The following TYR variants were observed in gnomAD, a reference collection of about 807,000 sequenced individuals.
The protein encoded by TYR is tyrosinase.
TYR carries 58 observed loss-of-function variants against 51.5 expected under a neutral mutation model. The observed-to-expected ratio is 1.13, with a 90% CI of 0.91 to 1.40. TYR has a LOEUF of 1.40. Among genes scored for constraint, TYR ranks in the 40% most tolerant of loss-of-function variants. The pLI, the probability that TYR is intolerant of heterozygous loss-of-function variation, is 0.00. For missense variants in TYR, 732 were observed against 647.4 expected, an observed-to-expected ratio of 1.13 and a Z score of -1.42; for synonymous variants, 263 against 235.2, an observed-to-expected ratio of 1.12 and a Z score of -1.08.
At chr11:89,248,788 GT>G (rs1944297842) in intron 3 of TYR, among the ~76,000 whole-genome samples, 1 of 152,132 alleles carries the variant, frequency 6.6e-6, no homozygotes, top group African/African-American at 2.4e-5. Context: ...TATTGCATTG[GT>G]CTAAATGAGA....
intron 3 of TYR, among the ~76,000 whole-genome samples, chr11:89,277,573 G>C (rs545688886): frequency 6.6e-6 from 1 of 151,626 alleles, no homozygotes; most frequent in Non-Finnish European, 1.5e-5. Context: ...CGAATGACCT[G>C]ACATCCCCAC....
intron 3 of TYR, among the ~76,000 whole-genome samples, chr11:89,265,426 C>T (rs1247642300): frequency 5.3e-5 from 8 of 152,050 alleles, no homozygotes; most frequent in Admixed American, 1.3e-4. Flanking sequence ...GTCTTCATAG[C>T]TCCTATTACC....
chr11:89,268,489 G>T (rs909415642), intron 3 of TYR, among the ~76,000 whole-genome samples: 1 of 151,852 alleles, frequency 6.6e-6, no homozygotes, highest in African/African-American at 2.4e-5. Context: ...AAGAAAGAGA[G>T]GCAGCATAGC....
intron 2 of TYR, among the ~76,000 whole-genome samples, chr11:89,218,760 G>T (rs1330000531): frequency 6.6e-6 from 1 of 152,100 alleles, no homozygotes. Flanking sequence ...TTATAAATGA[G>T]GAAACTGAGA....
At chr11:89,242,614 T>C (rs1464189946) in intron 3 of TYR, among the ~76,000 whole-genome samples, 1 of 152,206 alleles carries the variant, frequency 6.6e-6, no homozygotes, top group East Asian at 1.9e-4. Flanking sequence ...TTCTGACAAC[T>C]AGCATTTCAG....
intron 3 of TYR, among the ~76,000 whole-genome samples, chr11:89,228,754 T>A (rs774643447): frequency 2.6e-5 from 4 of 152,178 alleles, no homozygotes; most frequent in Non-Finnish European, 5.9e-5. Flanking sequence ...ATTTCCCTTA[T>A]TAGCCTTCTT....
chr11:89,287,365 A>G (rs1367333025), intron 4 of TYR, among the ~76,000 whole-genome samples: 1 of 151,944 alleles, frequency 6.6e-6, no homozygotes, highest in Non-Finnish European at 1.5e-5. Flanking sequence ...CACTATAAGT[A>G]TTCTATCACA....
intron 2 of TYR, among the ~76,000 whole-genome samples, chr11:89,192,366 A>C (rs1943457990): frequency 6.6e-6 from 1 of 152,180 alleles, no homozygotes; most frequent in South Asian, 2.1e-4. Context: ...TGGGGAAGAC[A>C]TAGGCACTGA....
At chr11:89,244,769 T>G (rs1944242386) in intron 3 of TYR, among the ~76,000 whole-genome samples, 2 of 152,248 alleles carry the variant, frequency 1.3e-5, no homozygotes, top group South Asian at 4.1e-4. Context: ...TTCCTTCATC[T>G]GTTAATTCAA....
intron 3 of TYR, among the ~76,000 whole-genome samples, chr11:89,276,544 G>T (rs2135318535): frequency 6.6e-6 from 1 of 151,532 alleles, no homozygotes; most frequent in African/African-American, 2.4e-5. Context: ...CTCCTTCGTT[G>T]TATTTCTTAT....
intron 1 of TYR, among the ~76,000 whole-genome samples, chr11:89,179,229 A>AC (rs1943269571): frequency 6.6e-6 from 1 of 152,246 alleles, no homozygotes; most frequent in Non-Finnish European, 1.5e-5. Flanking sequence ...TCCTGGCCTT[A>AC]TCCCAGACTA....
chr11:89,226,947 A>G (rs1284414207), intron 2 of TYR, among the ~76,000 whole-genome samples: 2 of 152,078 alleles, frequency 1.3e-5, no homozygotes, highest in Non-Finnish European at 2.9e-5. Context: ...CTAAAAAGTT[A>G]TCTTCCTCTT....
chr11:89,209,774 C>A (rs182714545), intron 2 of TYR, among the ~76,000 whole-genome samples: 1 of 152,212 alleles, frequency 6.6e-6, no homozygotes, highest in Non-Finnish European at 1.5e-5. Flanking sequence ...AAGGATCGGG[C>A]AGCAATATTT....
chr11:89,284,828 G>A lies in TYR; in HGVS notation c.1240G>A (p.Ala414Thr). The change falls in exon 4 of 5, where the codon GCC becomes ACC. Residue 414 changes from alanine (A) to threonine (T), a missense_variant. Physicochemically the swap from Ala to Thr is moderately conservative, Grantham distance 58. Coordinates refer to ENST00000263321, the MANE Select transcript of TYR (RefSeq NM_000372.5). Reference protein sequence around the residue: ...HRPLQEVYPEANAPIGHNRES... With the variant: ...HRPLQEVYPETNAPIGHNRES... ...TCCTCTTCAAGAAGTTTATCCAGAA[G>A]CCAATGCACCCATTGGACATAACCG... is the stretch of plus-strand genomic sequence containing the variant. 1 of 1,611,968 alleles carries A rather than the reference G, an allele frequency of 6.2e-7. No individual in the cohort carries two copies. Among genetic ancestry groups the A allele is most frequent in the Non-Finnish European group, 8.5e-7 (1 of 1,178,560 alleles).
intron 3 of TYR, among the ~76,000 whole-genome samples, chr11:89,267,404 A>G (rs1160577833): frequency 2.0e-5 from 3 of 152,010 alleles, no homozygotes; most frequent in Non-Finnish European, 4.4e-5. Flanking sequence ...AGATAAATAG[A>G]TATAAATGGT....
At chr11:89,256,540 A>G (rs1227194748) in intron 3 of TYR, among the ~76,000 whole-genome samples, 1 of 151,756 alleles carries the variant, frequency 6.6e-6, no homozygotes, top group Admixed American at 6.6e-5. Context: ...AAAAAACAGA[A>G]ACAATGCTAG....
intron 2 of TYR, among the ~76,000 whole-genome samples, chr11:89,222,297 T>C (rs1305417432): frequency 6.6e-6 from 1 of 152,176 alleles, no homozygotes; most frequent in Non-Finnish European, 1.5e-5. Context: ...GTTTTCAAAC[T>C]CCAAGTGCCT....
chr11:89,281,165 T>A (rs1944717507), intron 3 of TYR, among the ~76,000 whole-genome samples: 1 of 151,674 alleles, frequency 6.6e-6, no homozygotes. Flanking sequence ...TTGCAGTATT[T>A]CTATTTATTT....
intron 3 of TYR, among the ~76,000 whole-genome samples, chr11:89,230,165 G>A (rs943432926): frequency 3.3e-5 from 5 of 152,008 alleles, no homozygotes; most frequent in Admixed American, 6.6e-5. Flanking sequence ...ATAATGGCAT[G>A]GTAATGGCAT....
Sources: gnomAD v4.1 joint callset for allele counts (sites outside exome capture counted in the v4.1 genomes callset) on GRCh38, gnomAD v4.1.1 for gene constraint, MANE v1.5 for transcripts, NCBI Gene and HGNC (gene_info 2026-07-23, HGNC 2026-07-21) for gene names.